The following TMEM120B variants were observed in gnomAD, a reference collection of about 807,000 sequenced individuals.
TMEM120B encodes transmembrane protein 120B.
In TMEM120B, 31 loss-of-function variants were observed where a neutral mutation model predicts 55.5. The ratio of observed to expected loss-of-function variants is 0.56; its 90% CI spans 0.42 to 0.75. The LOEUF is 0.75. Among genes scored for constraint, TMEM120B ranks in the 30% least tolerant of loss-of-function variants. The probability of loss-of-function intolerance (pLI) is 0.00; values close to 1 mark genes in which losing one functional copy is unlikely to be tolerated. For missense variants in TMEM120B, 399 were observed against 425.5 expected, an observed-to-expected ratio of 0.94 and a Z score of 0.55; for synonymous variants, 203 against 176.3, an observed-to-expected ratio of 1.15 and a Z score of -1.20.
rs2136998033 is a variant in TMEM120B at position 121,723,720 on chromosome 12, C to A, written c.69+10756C>A. ...CATGGGTTGAGGAAATTACCACAATCTACCTCTTTGGCAGGGGCAGAGGAT... is the reference window on the plus strand; with the variant it reads ...CATGGGTTGAGGAAATTACCACAATATACCTCTTTGGCAGGGGCAGAGGAT... On this transcript the variant is annotated intron_variant, in intron 1 of 11. Coordinates refer to ENST00000449592, the MANE Select transcript of TMEM120B (RefSeq NM_001080825.2). Among the ~76,000 whole-genome samples the A allele has an allele frequency of 1.3e-5, 2 of 152,290 alleles. 1 individual carries two copies. Among genetic ancestry groups the A allele is most frequent in the South Asian group, 4.1e-4 (2 of 4,834 alleles).
rs370903252 is a variant in TMEM120B at position 121,763,263 on chromosome 12, C to T, written c.551+1525C>T. ...CTGCAACCTCCGCCTCCCGGGTTCACGCCATTCTCCTGCCTCAGCCTCTTG... is the reference window on the plus strand; with the variant it reads ...CTGCAACCTCCGCCTCCCGGGTTCATGCCATTCTCCTGCCTCAGCCTCTTG... On this transcript the variant is annotated intron_variant, in intron 6 of 11. Transcript: ENST00000449592. Among the ~76,000 whole-genome samples, 46 of 149,058 alleles carry T rather than the reference C, an allele frequency of 3.1e-4. No homozygotes were observed. In the South Asian group the frequency reaches 5.1e-3, roughly 17 times the overall value.
rs1874249420 is a variant in TMEM120B, at chr12:121,776,389, T to G, written c.*667T>G. ...GGACAAGGACGTTCCCGTCTGTGCTTCGGGGTTCCCTGACCCCCCCATCCT... is the reference window on the plus strand; with the variant it reads ...GGACAAGGACGTTCCCGTCTGTGCTGCGGGGTTCCCTGACCCCCCCATCCT... On this transcript the variant is annotated 3_prime_UTR_variant, in exon 12 of 12. Coordinates refer to ENST00000449592, the MANE Select transcript of TMEM120B (RefSeq NM_001080825.2). The G allele has an allele frequency of 6.5e-6, 1 of 153,604 alleles. No homozygotes were observed. The highest frequency in any genetic ancestry group is 1.4e-5 in the Non-Finnish European group (1 of 69,088). The allele number at this position is 153,604 out of a possible 1,614,324, so 9.5% of individuals were successfully genotyped here. A position where few individuals can be genotyped will look rare whatever the true frequency, so the allele number is the denominator to read the frequency against.
chr12:121,779,452 G>GC lies in TMEM120B; in HGVS notation c.*3735dup. On this transcript the variant is annotated 3_prime_UTR_variant, in exon 12 of 12. Coordinates refer to ENST00000449592, the MANE Select transcript of TMEM120B (RefSeq NM_001080825.2). ...CCTCCCTGGTGCAATCGGCACCTGGGCCCCCGGGCCCTGTCAGTGCTGTCG... is the reference window on the plus strand; with the variant it reads ...CCTCCCTGGTGCAATCGGCACCTGGGCCCCCCGGGCCCTGTCAGTGCTGTCG... 2.5e-6 allele frequency: 4 copies of GC among 1,594,566 alleles called. No individual in the cohort carries two copies. Among genetic ancestry groups the GC allele is most frequent in the African/African-American group, 1.3e-5 (1 of 74,606 alleles).
Position 121,781,253 on chromosome 12 carries a change from T to G in TMEM120B, c.*5531T>G. 2 of 1,491,458 alleles carry G rather than the reference T, an allele frequency of 1.3e-6. No homozygotes were observed. Among genetic ancestry groups the G allele is most frequent in the Non-Finnish European group, 1.9e-6 (2 of 1,074,526 alleles). 92.4% of individuals were successfully genotyped at this position (1,491,458 alleles called of 1,614,324 possible). On this transcript the variant is annotated 3_prime_UTR_variant, in exon 12 of 12. Transcript: ENST00000449592. The stretch of plus-strand genomic sequence containing the variant: ...CCCTCCCTGTCTGGACTCTGACGGG[T>G]GAAGGGGAAGGGGCCAGGCAAGTGA...
intron 5 of TMEM120B, among the ~76,000 whole-genome samples, chr12:121,755,163 C>A (rs1873443328): frequency 6.6e-6 from 1 of 152,202 alleles, no homozygotes; most frequent in Non-Finnish European, 1.5e-5. Flanking sequence ...CTTCCTCTTG[C>A]CCCTCTTGGG....
rs1425766697 is a variant in TMEM120B, at chr12:121,750,474, C to T, written c.365+35C>T. The T allele has an allele frequency of 1.1e-5, 17 of 1,576,698 alleles. No homozygotes were observed. In the Middle Eastern group the frequency reaches 9.7e-4, roughly 90 times the overall value. On this transcript the variant is annotated intron_variant, in intron 4 of 11. Transcript: ENST00000449592. ...CCCCACCCACCACCCAGACCCACAC[C>T]TCACACCGCCCCCACACCCACACCC...
intron 1 of TMEM120B, among the ~76,000 whole-genome samples, chr12:121,717,740 C>T (rs1894726396): frequency 6.6e-6 from 1 of 152,214 alleles, no homozygotes; most frequent in Non-Finnish European, 1.5e-5. Flanking sequence ...TCACCACAAC[C>T]TCCGCCTTCC....
intron 1 of TMEM120B, among the ~76,000 whole-genome samples, chr12:121,726,578 C>CAAAAAAA (rs35018846): frequency 7.6e-6 from 1 of 130,962 alleles, no homozygotes; most frequent in African/African-American, 2.9e-5. Context: ...GACTCTGTCT[C>CAAAAAAA]AAAAAAAAAA....
At position 121,775,927 on chromosome 12, in the gene TMEM120B, G is replaced by A; in HGVS notation, c.*205G>A. 1 of 620,314 alleles carries A rather than the reference G, an allele frequency of 1.6e-6. No homozygotes were observed. Among genetic ancestry groups the A allele is most frequent in the South Asian group, 1.9e-5 (1 of 52,494 alleles). 38.4% of individuals were successfully genotyped at this position (620,314 alleles called of 1,614,324 possible). ...CTATTTATGACATATTTAATGCTGGGTCCCCCATCGTCCCTGGAACCCGAG... is the reference window on the plus strand; with the variant it reads ...CTATTTATGACATATTTAATGCTGGATCCCCCATCGTCCCTGGAACCCGAG... On this transcript the variant is annotated 3_prime_UTR_variant, in exon 12 of 12. Coordinates refer to ENST00000449592, the MANE Select transcript of TMEM120B (RefSeq NM_001080825.2). This position sits in a 1 kb window ranked among gnomAD's most constrained non-coding sequence, Gnocchi z 4.3.
Position 121,781,318 on chromosome 12 carries a change from G to T in TMEM120B, c.*5596G>T. On this transcript the variant is annotated 3_prime_UTR_variant, in exon 12 of 12. Coordinates refer to ENST00000449592, the MANE Select transcript of TMEM120B (RefSeq NM_001080825.2). The stretch of plus-strand genomic sequence containing the variant: ...CTCAATTTCCTCATCTATACAATGG[G>T]CAGCAAGCCAGGAGTGCTGGCACAG... The T allele has an allele frequency of 2.5e-6, 2 of 784,868 alleles. No individual in the cohort carries two copies. The highest frequency in any genetic ancestry group is 2.7e-5 in the East Asian group (1 of 37,224). 48.6% of individuals were successfully genotyped at this position (784,868 alleles called of 1,614,324 possible). A position where few individuals can be genotyped will look rare whatever the true frequency, so the allele number is the denominator to read the frequency against.
At chr12:121,726,046 A>AC (rs1166347645) in intron 1 of TMEM120B, among the ~76,000 whole-genome samples, 77 of 150,196 alleles carry the variant, frequency 5.1e-4, no homozygotes, top group African/African-American at 1.8e-3. Context: ...AAAAAAAAAA[A>AC]AACAAAAAAA....
chr12:121,751,543 G>T (rs1229737418), intron 4 of TMEM120B, among the ~76,000 whole-genome samples: 1 of 151,652 alleles, frequency 6.6e-6, no homozygotes, highest in Non-Finnish European at 1.5e-5. Context: ...ATAAAAACCT[G>T]GTCACAGGTG....
At chr12:121,752,287 G>T (rs1873355588) in intron 5 of TMEM120B, 64 bp downstream of exon 5, 1 of 1,432,040 alleles carries the variant, frequency 7.0e-7, no homozygotes, top group African/African-American at 1.4e-5. Flanking sequence ...GGCCGGGAGA[G>T]AGGGATCCAG....
In TMEM120B at chr12:121,775,636, A is replaced by G. The variant is rs746424060; in HGVS notation, c.934A>G (p.Ile312Val). 1.2e-6 allele frequency: 2 copies of G among 1,613,822 alleles called. No homozygotes were observed. Among genetic ancestry groups the G allele is most frequent in the East Asian group, 2.2e-5 (1 of 44,872 alleles). ...QVFVLAFTFLILFLGNFLTTL... is the reference protein window; with the variant it reads ...QVFVLAFTFLVLFLGNFLTTL... The stretch of plus-strand genomic sequence containing the variant: ...GTTCGTACTGGCGTTCACCTTCCTC[A>G]TCCTCTTCCTCGGCAACTTCCTGAC... Residue 312 changes from isoleucine to valine, a missense_variant, in exon 12 of 12, where the codon ATC becomes GTC. Around this residue, in one of 3 missense-constraint regions of TMEM120B, gnomAD observed 260 missense variants for 303.9 expected, o/e 0.86. Coordinates refer to ENST00000449592, the MANE Select transcript of TMEM120B (RefSeq NM_001080825.2). The surrounding 1 kb of genome is among the most constrained non-coding windows in gnomAD (Gnocchi z 4.3).
chr12:121,739,863 C>T (rs2137106053), intron 1 of TMEM120B, among the ~76,000 whole-genome samples: 1 of 148,980 alleles, frequency 6.7e-6, no homozygotes, highest in Admixed American at 6.8e-5. Flanking sequence ...ACTGCAATCT[C>T]CCCCTCCCGG....
intron 5 of TMEM120B, among the ~76,000 whole-genome samples, chr12:121,761,304 C>T (rs897564282): frequency 2.0e-5 from 3 of 152,098 alleles, no homozygotes; most frequent in Non-Finnish European, 4.4e-5. Context: ...AAAGTCCTTC[C>T]GTTAACATCC....
chr12:121,754,140 C>T (rs978118686), intron 5 of TMEM120B, among the ~76,000 whole-genome samples: 5 of 152,276 alleles, frequency 3.3e-5, no homozygotes, highest in African/African-American at 1.2e-4. Flanking sequence ...CTTGAATGCC[C>T]AAACAAAGGC....
chr12:121,781,228 C>T lies in TMEM120B; in HGVS notation c.*5506C>T. Reference sequence around the variant, plus strand: ...AGAGCAGCGGGGGTCAGGGGACGTCCCCTCCCTGTCTGGACTCTGACGGGT... The same window carrying T: ...AGAGCAGCGGGGGTCAGGGGACGTCTCCTCCCTGTCTGGACTCTGACGGGT... On this transcript the variant is annotated 3_prime_UTR_variant, in exon 12 of 12. Coordinates refer to ENST00000449592, the MANE Select transcript of TMEM120B (RefSeq NM_001080825.2). 1.3e-6 allele frequency: 2 copies of T among 1,588,262 alleles called. No individual in the cohort carries two copies. Among genetic ancestry groups the T allele is most frequent in the Non-Finnish European group, 1.7e-6 (2 of 1,157,666 alleles).
At chr12:121,772,129 CTCTTTCTT>C (rs376017398) in intron 8 of TMEM120B, among the ~76,000 whole-genome samples, 27 of 148,032 alleles carry the variant, frequency 1.8e-4, no homozygotes, top group Non-Finnish European at 2.8e-4. Flanking sequence ...CTCTCTTTCT[CTCTTTCTT>C]TCTTTCTTTC....
Sources: allele counts gnomAD v4.1 joint callset (sites outside exome capture counted in the v4.1 genomes callset), GRCh38; gene constraint gnomAD v4.1.1; regional missense constraint gnomAD v4.1.1; non-coding constraint Gnocchi (gnomAD v3.1); transcripts MANE v1.5; gene names NCBI Gene and HGNC (gene_info 2026-07-23, HGNC 2026-07-21).